NF1: variants seen among roughly 807,000 people sequenced by gnomAD.
NF1 encodes neurofibromin 1.
In NF1, 122 loss-of-function variants were observed where a neutral mutation model predicts 325.7. That is an observed-to-expected ratio of 0.37 (90% CI 0.32 to 0.44). The LOEUF is 0.44. NF1 is among the 20% of genes least tolerant of loss of function. The pLI, the probability that NF1 is intolerant of heterozygous loss-of-function variation, is 1.00. For missense variants in NF1, 2,140 were observed against 3,415.4 expected, an observed-to-expected ratio of 0.63 and a Z score of 9.31; for synonymous variants, 1,091 against 1,186.0, an observed-to-expected ratio of 0.92 and a Z score of 1.65.
At chr17:31,322,515 AAAAAAAAAAAAAAAAAAAAAAG>A (rs2151533565) in intron 36 of NF1, among the ~76,000 whole-genome samples, 1 of 132,240 alleles carries the variant, frequency 7.6e-6, no homozygotes, top group East Asian at 2.0e-4. Context: ...AAAAAAAAAA[AAAAAAAAAAAAAAAAAAAAAAG>A]AACTGGATAT....
intron 36 of NF1, among the ~76,000 whole-genome samples, chr17:31,271,489 C>A (rs1423106872): frequency 6.6e-6 from 1 of 152,182 alleles, no homozygotes; most frequent in Non-Finnish European, 1.5e-5. Context: ...TGGTGGCTCA[C>A]ACCTGTAATC....
chr17:31,243,100 C>G (rs1329149570), intron 29 of NF1, among the ~76,000 whole-genome samples: 4 of 152,008 alleles, frequency 2.6e-5, no homozygotes, highest in Admixed American at 2.6e-4. Context: ...CTGGAGAATT[C>G]CCTGGGTTAT....
chr17:31,183,919 A>G (rs939266584), intron 8 of NF1, among the ~76,000 whole-genome samples: 9 of 152,136 alleles, frequency 5.9e-5, no homozygotes, highest in African/African-American at 2.2e-4. Flanking sequence ...TAGCCTGCAG[A>G]CGGCCTATTG....
At chr17:31,214,654 AG>A (rs1330414912) in intron 13 of NF1, 69 bp downstream of exon 13, 21 of 1,495,188 alleles carry the variant, frequency 1.4e-5, no homozygotes, top group Non-Finnish European at 1.9e-5. Flanking sequence ...TGAAACGCCA[AG>A]ACCTTGAGGA....
intron 31 of NF1, among the ~76,000 whole-genome samples, chr17:31,256,932 C>T (rs1419018460): frequency 6.6e-6 from 1 of 152,146 alleles, no homozygotes. Flanking sequence ...CAAATATTTT[C>T]TCTAAAATCT....
chr17:31,243,213 T>TGTGTGTGTGTGTG (rs57229549), intron 29 of NF1, among the ~76,000 whole-genome samples: 16 of 150,954 alleles, frequency 1.1e-4, no homozygotes, highest in East Asian at 1.9e-4. Context: ...TGTGTGTGTG[T>TGTGTGTGTGTGTG]TGAGCTGCCT....
chr17:31,097,104 T>TA (rs924227157), intron 1 of NF1, among the ~76,000 whole-genome samples: 1 of 152,230 alleles, frequency 6.6e-6, no homozygotes, highest in Non-Finnish European at 1.5e-5. Context: ...TTTATTTTTT[T>TA]ACTTCTTACC....
rs2069323515 is a variant in NF1 at position 31,325,759 on chromosome 17, C to T, written c.4836-61C>T. On this transcript the variant is annotated intron_variant, in intron 36 of 57. Coordinates refer to ENST00000358273, the MANE Select transcript of NF1 (RefSeq NM_001042492.3). The stretch of plus-strand genomic sequence containing the variant: ...ATCATAAAATAAAATTGATTAGTGG[C>T]ATCTGTATATTTATTTTAAACACTG... 6 of 1,161,134 alleles carry T rather than the reference C, an allele frequency of 5.2e-6. No individual in the cohort carries two copies. The Admixed American group carries it at 6.9e-5, about 13-fold the overall frequency. The allele number at this position is 1,161,134 out of a possible 1,614,324, so 71.9% of individuals were successfully genotyped here.
At chr17:31,176,175 C>G (rs1260462933) in intron 5 of NF1, among the ~76,000 whole-genome samples, 1 of 152,220 alleles carries the variant, frequency 6.6e-6, no homozygotes, top group Non-Finnish European at 1.5e-5. Context: ...CACATTCTCT[C>G]CAGCATCTTT....
rs191849613 is a variant in NF1, at chr17:31,358,306, C to T, written c.7971-174C>T. 2.6e-5 allele frequency: 17 copies of T among 658,056 alleles called. No homozygotes were observed. In the African/African-American group the frequency reaches 2.7e-4, roughly 10 times the overall value. The allele number at this position is 658,056 out of a possible 1,614,324, so 40.8% of individuals were successfully genotyped here. ...AGACAAACAAAAACAGACACACACACATGTTCATTGTAGAAAATTTGGAAA... is the reference window on the plus strand; with the variant it reads ...AGACAAACAAAAACAGACACACACATATGTTCATTGTAGAAAATTTGGAAA... On this transcript the variant is annotated intron_variant, in intron 54 of 57. Coordinates refer to ENST00000358273, the MANE Select transcript of NF1 (RefSeq NM_001042492.3).
chr17:31,162,330 A>G (rs533704012), intron 3 of NF1, among the ~76,000 whole-genome samples: 31 of 152,192 alleles, frequency 2.0e-4, no homozygotes, highest in African/African-American at 7.5e-4. Context: ...TACAAAAATT[A>G]GCTGGGCATG....
At chr17:31,352,531 A>G (rs2070177164) in intron 51 of NF1, 117 bp downstream of exon 51, 1 of 955,956 alleles carries the variant, frequency 1.0e-6, no homozygotes, top group Non-Finnish European at 1.5e-6. Flanking sequence ...CAGTGTAGCA[A>G]AGTTTTTGAT....
chr17:31,304,938 A>G (rs1216376566), intron 36 of NF1: 4 of 1,614,034 alleles, frequency 2.5e-6, no homozygotes, highest in Non-Finnish European at 3.4e-6. Flanking sequence ...AGCATTTCCA[A>G]AGTACAATGA....
intron 8 of NF1, among the ~76,000 whole-genome samples, chr17:31,190,097 A>AG: frequency 6.6e-6 from 1 of 150,648 alleles, no homozygotes; most frequent in Non-Finnish European, 1.5e-5. Flanking sequence ...TACAAAAAAA[A>AG]AAAAAAAAAA....
intron 17 of NF1, among the ~76,000 whole-genome samples, chr17:31,225,603 G>A (rs538859694): frequency 1.3e-5 from 2 of 152,196 alleles, no homozygotes; most frequent in South Asian, 2.1e-4. Flanking sequence ...TATAGAATTC[G>A]TACCGGCTAA....
At chr17:31,298,694 G>C (rs2068515120) in intron 36 of NF1, among the ~76,000 whole-genome samples, 3 of 152,034 alleles carry the variant, frequency 2.0e-5, no homozygotes, top group Non-Finnish European at 4.4e-5. Flanking sequence ...GATTCTTACT[G>C]TGGATTTAGG....
chr17:31,363,053 C>T (rs966570431), intron 57 of NF1, among the ~76,000 whole-genome samples: 3 of 152,130 alleles, frequency 2.0e-5, no homozygotes, highest in Non-Finnish European at 4.4e-5. Flanking sequence ...AAAGTTGGTG[C>T]CTTTATTCAG....
At position 31,232,193 on chromosome 17, in the gene NF1, AATTT is replaced by A; in HGVS notation, c.3314+5_3314+8del. 6.4e-7 allele frequency: 1 copy of A among 1,565,146 alleles called. No individual in the cohort carries two copies. Among genetic ancestry groups the A allele is most frequent in the Non-Finnish European group, 8.8e-7 (1 of 1,135,776 alleles). Reference sequence around the variant, plus strand: ...CCAAATCACAGTTATTTCTTAAGTAAATTTCAGTCACCAAAAAACATAAAGCAAA... The same window carrying A: ...CCAAATCACAGTTATTTCTTAAGTAACAGTCACCAAAAAACATAAAGCAAA... On this transcript the variant is annotated splice_donor_5th_base_variant and intron_variant, in intron 25 of 57. Coordinates refer to ENST00000358273, the MANE Select transcript of NF1 (RefSeq NM_001042492.3).
chr17:31,095,026 G>A lies in NF1; in HGVS notation c.-284G>A, dbSNP rs1372965991. The A allele has an allele frequency of 5.2e-6, 3 of 581,616 alleles. No individual in the cohort carries two copies. Among genetic ancestry groups the A allele is most frequent in the Non-Finnish European group, 9.2e-6 (3 of 326,448 alleles). The allele number at this position is 581,616 out of a possible 1,614,324, so 36.0% of individuals were successfully genotyped here. A position where few individuals can be genotyped will look rare whatever the true frequency, so the allele number is the denominator to read the frequency against. ...CGTCTCGGACTGTGATGGCTGTGGG[G>A]AGACGGCGCTAGTGGGGAGAGCGAC... On this transcript the variant is annotated 5_prime_UTR_variant, in exon 1 of 58. Coordinates refer to ENST00000358273, the MANE Select transcript of NF1 (RefSeq NM_001042492.3).
Sources: allele counts gnomAD v4.1 joint callset (sites outside exome capture counted in the v4.1 genomes callset), GRCh38; gene constraint gnomAD v4.1.1; transcripts MANE v1.5; gene names NCBI Gene and HGNC (gene_info 2026-07-23, HGNC 2026-07-21).